TARBP1: variants seen among roughly 807,000 people sequenced by gnomAD.
TARBP1 encodes tRNA (guanosine(18)-2'-O)-methyltransferase TARBP1.
A neutral mutation model predicts 178.6 loss-of-function variants in TARBP1; 144 were observed. The ratio of observed to expected loss-of-function variants is 0.81; its 90% CI spans 0.70 to 0.93. TARBP1 has a LOEUF of 0.93. Among genes scored for constraint, TARBP1 ranks in the 40% least tolerant of loss-of-function variants. TARBP1 has a pLI of 0.00. For missense variants in TARBP1, 2,067 were observed against 2,011.7 expected, an observed-to-expected ratio of 1.03 and a Z score of -0.53; for synonymous variants, 787 against 781.0, an observed-to-expected ratio of 1.01 and a Z score of -0.13.
chr1:234,422,095 A>G (rs1175114542), intron 20 of TARBP1, among the ~76,000 whole-genome samples: 1 of 152,236 alleles, frequency 6.6e-6, no homozygotes. Flanking sequence ...GCAATTAAAA[A>G]TGGAATCAGT....
intron 12 of TARBP1, among the ~76,000 whole-genome samples, chr1:234,440,618 G>A (rs984938342): frequency 6.6e-6 from 1 of 152,102 alleles, no homozygotes; most frequent in Non-Finnish European, 1.5e-5. Context: ...CAGATGACAT[G>A]ATTATCTACA....
chr1:234,469,209 A>G (rs1668806883), intron 3 of TARBP1, among the ~76,000 whole-genome samples: 1 of 151,680 alleles, frequency 6.6e-6, no homozygotes, highest in South Asian at 2.1e-4. Flanking sequence ...ATAAATAAAT[A>G]TCTTAGAGAT....
rs755925594 is a variant in TARBP1 at position 234,478,620 on chromosome 1, G to C, written c.484C>G (p.Arg162Gly). ...RPREDGPLLE[R>G]VAGTAVALAL... The stretch of plus-strand genomic sequence containing the variant: ...AGGGCGACGGCGGTCCCCGCCACGC[G>C]CTCCAGTAGCGGCCCGTCCTCGCGG... The change falls in exon 1 of 30, where the codon CGC becomes GGC. Residue 162 changes from arginine (R) to glycine (G), a missense_variant. Arg to Gly is a moderately radical substitution (Grantham distance 125, BLOSUM62 -2). Transcript: ENST00000040877. 1.8e-5 allele frequency: 23 copies of C among 1,301,842 alleles called. No individual in the cohort carries two copies. In the Admixed American group the frequency reaches 6.6e-4, roughly 38 times the overall value. 80.6% of individuals were successfully genotyped at this position (1,301,842 alleles called of 1,614,324 possible).
In TARBP1 at chr1:234,451,766, A is replaced by AAAAAAAAAAAAAAAAAAAACAAAAAAAC. The variant is rs57636903; in HGVS notation, c.1723-1201_1723-1200insGTTTTTTTGTTTTTTTTTTTTTTTTTTT. On this transcript the variant is annotated intron_variant, in intron 9 of 29. Transcript: ENST00000040877. The stretch of plus-strand genomic sequence containing the variant: ...TCCGTCTCAAAAAAAAAAAAAAAAA[A>AAAAAAAAAAAAAAAAAAAACAAAAAAAC]TGATGAATGACTGGATCATCGAAGT... Among the ~76,000 whole-genome samples the AAAAAAAAAAAAAAAAAAAACAAAAAAAC allele has an allele frequency of 5.8e-4, 10 of 17,174 alleles. 2 individuals carry two copies. The highest frequency in any genetic ancestry group is 1.2e-3 in the Admixed American group (1 of 810). The allele number at this position is 17,174 out of a possible 152,430, so 11.3% of individuals were successfully genotyped here.
At chr1:234,402,414 T>C (rs1660767533) in intron 24 of TARBP1, among the ~76,000 whole-genome samples, 1 of 152,192 alleles carries the variant, frequency 6.6e-6, no homozygotes, top group Non-Finnish European at 1.5e-5. Context: ...TCTAAATAAG[T>C]TGACTCTGTC....
At chr1:234,453,531 A>G (rs936216696) in intron 9 of TARBP1, among the ~76,000 whole-genome samples, 1 of 151,920 alleles carries the variant, frequency 6.6e-6, no homozygotes. Flanking sequence ...GAAACCAAAT[A>G]CTGTTTCAAA....
At chr1:234,453,419 A>G (rs909680436) in intron 9 of TARBP1, among the ~76,000 whole-genome samples, 20 of 150,978 alleles carry the variant, frequency 1.3e-4, no homozygotes, top group African/African-American at 4.9e-4. Context: ...TGAACTCCTG[A>G]GCTCAAGTGA....
intron 10 of TARBP1, among the ~76,000 whole-genome samples, chr1:234,448,845 A>C (rs1418595496): frequency 1.3e-5 from 2 of 152,154 alleles, no homozygotes; most frequent in African/African-American, 4.8e-5. Flanking sequence ...GTGCTCATGG[A>C]ATTTAGAGTA....
intron 13 of TARBP1, among the ~76,000 whole-genome samples, chr1:234,436,259 A>G (rs1665024743): frequency 6.6e-6 from 1 of 152,222 alleles, no homozygotes; most frequent in Admixed American, 6.5e-5. Context: ...CCATACAAAC[A>G]GGTAAAAATA....
intron 3 of TARBP1, 64 bp downstream of exon 3, chr1:234,471,124 T>C (rs779654002): frequency 8.3e-6 from 10 of 1,202,068 alleles, no homozygotes; most frequent in Non-Finnish European, 1.2e-5. Context: ...TGAACAGGAA[T>C]TAGTTACAAA....
At chr1:234,406,959 T>C (rs1432225697) in intron 23 of TARBP1, 1 of 152,196 alleles carries the variant, frequency 6.6e-6, no homozygotes, top group African/African-American at 2.4e-5. Flanking sequence ...ATTCACACAA[T>C]AGTTTACCAA....
At position 234,429,416 on chromosome 1, in the gene TARBP1, C is replaced by G; in HGVS notation, c.2871G>C (p.Lys957Asn). ...CAATTCATGTTTCACTCTATCTTAC[C>G]TTGGGAACCAACACTTTCAAGCAAT... ...VFHCLKVLVP[K>N]LLTSSESLCI... is the part of the protein sequence containing the mutation. The change falls in exon 16 of 30, where the codon AAG becomes AAC. Residue 957 changes from lysine (K) to asparagine (N), a missense_variant and splice_region_variant. Lys to Asn is a moderately conservative substitution (Grantham distance 94). Coordinates refer to ENST00000040877, the MANE Select transcript of TARBP1 (RefSeq NM_005646.4). 1 of 1,608,326 alleles carries G rather than the reference C, an allele frequency of 6.2e-7. No individual in the cohort carries two copies. Among genetic ancestry groups the G allele is most frequent in the Non-Finnish European group, 8.5e-7 (1 of 1,178,106 alleles).
At chr1:234,398,358 A>G (rs756857516) in intron 26 of TARBP1, 24 bp downstream of exon 26, 2 of 1,554,958 alleles carry the variant, frequency 1.3e-6, no homozygotes, top group Non-Finnish European at 8.7e-7. Context: ...AAGGGGAAAA[A>G]ATAAAATGAA....
chr1:234,449,795 T>A (rs6586387), intron 10 of TARBP1, among the ~76,000 whole-genome samples: 45,723 of 152,048 alleles, frequency 0.3, 7,088 homozygotes, highest in Admixed American at 0.41. Flanking sequence ...AGATGCAATT[T>A]TCCTAAATTA....
intron 13 of TARBP1, among the ~76,000 whole-genome samples, chr1:234,434,411 G>A (rs760604167): frequency 6.6e-6 from 1 of 152,186 alleles, no homozygotes; most frequent in East Asian, 1.9e-4. Flanking sequence ...CAAGCACTTT[G>A]CCAGGTGCTG....
chr1:234,462,093 CT>C (rs1667914886), intron 6 of TARBP1, among the ~76,000 whole-genome samples: 1 of 152,220 alleles, frequency 6.6e-6, no homozygotes, highest in Admixed American at 6.5e-5. Flanking sequence ...ATTTTTCTTT[CT>C]TCCATTTGCA....
chr1:234,398,667 G>T, intron 25 of TARBP1, 114 bp from the exon 26 acceptor site: 1 of 767,630 alleles, frequency 1.3e-6, no homozygotes, highest in South Asian at 2.9e-5. Flanking sequence ...TATTACATCT[G>T]ATCAAACTAT....
chr1:234,403,265 G>A (rs968926932), intron 24 of TARBP1, among the ~76,000 whole-genome samples: 1 of 152,082 alleles, frequency 6.6e-6, no homozygotes, highest in Non-Finnish European at 1.5e-5. Context: ...CAAATCAAGT[G>A]GGGCTGGCCG....
At chr1:234,444,961 C>T (rs762060636) in intron 12 of TARBP1, among the ~76,000 whole-genome samples, 14 of 152,150 alleles carry the variant, frequency 9.2e-5, no homozygotes, top group Non-Finnish European at 2.1e-4. Context: ...AACAACTTCT[C>T]GTTCCTCACC....
Sources: gnomAD v4.1 joint callset for allele counts (sites outside exome capture counted in the v4.1 genomes callset) on GRCh38, gnomAD v4.1.1 for gene constraint, MANE v1.5 for transcripts, NCBI Gene and HGNC (gene_info 2026-07-23, HGNC 2026-07-21) for gene names.